The following GAREM2 variants were observed in gnomAD, a reference collection of about 807,000 sequenced individuals.
GAREM2 encodes GRB2 associated regulator of MAPK1 subtype 2, also known as GRB2-associated and regulator of MAPK protein 2.
A neutral mutation model predicts 55.6 loss-of-function variants in GAREM2; 30 were observed. The observed-to-expected ratio is 0.54, with a 90% confidence interval of 0.40 to 0.73. The LOEUF (loss-of-function observed/expected upper bound fraction) is 0.73, where lower values mean the gene tolerates loss of function less well. Among genes scored for constraint, GAREM2 ranks in the 30% least tolerant of loss-of-function variants. The pLI is 0.00. For synonymous variants in GAREM2, 550 were observed against 569.1 expected, an observed-to-expected ratio of 0.97 and a Z score of 0.48; for missense variants, 1,075 against 1,257.7, an observed-to-expected ratio of 0.85 and a Z score of 2.20.
At chr2:26,204,038 T>C in the GAREM2 span, 3 of 1,612,086 alleles carry the variant, frequency 1.9e-6, no homozygotes, top group Non-Finnish European at 2.5e-6. Flanking sequence ...TTCTAACTCT[T>C]GCAAAGAGAG....
chr2:26,192,493 G>GA (rs1669537732), downstream of GAREM2: 1 of 929,644 alleles, frequency 1.1e-6, no homozygotes, highest in Non-Finnish European at 1.8e-6. Flanking sequence ...TTTGTTCTCA[G>GA]AACCCTGGCC....
intron 2 of GAREM2, among the ~76,000 whole-genome samples, chr2:26,178,407 AC>A: frequency 2.9e-5 from 2 of 68,310 alleles, no homozygotes; most frequent in East Asian, 4.8e-4. Context: ...ACAAAAACAA[AC>A]AACCCCCCCC....
At chr2:26,191,623 G>A (rs1420018456), downstream of GAREM2, 1 of 1,614,052 alleles carries the variant, frequency 6.2e-7, no homozygotes, top group Non-Finnish European at 8.5e-7. Context: ...GTCTTCGTCT[G>A]ATGAGCTGCC....
intron 1 of GAREM2, 133 bp downstream of exon 1, chr2:26,173,465 T>C (rs2147715978): frequency 2.3e-6 from 1 of 429,458 alleles, no homozygotes; most frequent in Non-Finnish European, 3.8e-6. Flanking sequence ...CCCCGAGCGG[T>C]TCCTGGCGCG....
intron 2 of GAREM2, among the ~76,000 whole-genome samples, chr2:26,177,248 A>G (rs532933143): frequency 2.0e-4 from 31 of 152,196 alleles, no homozygotes; most frequent in Middle Eastern, 6.8e-3. Flanking sequence ...CTGCTGCACT[A>G]CACCAGGAGC....
chr2:26,198,792 A>G, the GAREM2 span, among the ~76,000 whole-genome samples: 1 of 152,100 alleles, frequency 6.6e-6, no homozygotes, highest in Non-Finnish European at 1.5e-5. Flanking sequence ...CTAAACAACT[A>G]TAATCCCAAC....
intron 2 of GAREM2, among the ~76,000 whole-genome samples, chr2:26,176,965 G>T (rs1668884704): frequency 6.6e-6 from 1 of 152,096 alleles, no homozygotes; most frequent in Admixed American, 6.6e-5. Context: ...TAAACCTATT[G>T]TTTCCATTGG....
chr2:26,184,410 G>A lies in GAREM2; in HGVS notation c.562G>A (p.Gly188Ser). 1 of 1,483,860 alleles carries A rather than the reference G, an allele frequency of 6.7e-7. No individual in the cohort carries two copies. Among genetic ancestry groups the A allele is most frequent in the Non-Finnish European group, 9.0e-7 (1 of 1,115,092 alleles). 91.9% of individuals were successfully genotyped at this position (1,483,860 alleles called of 1,614,324 possible). A position where few individuals can be genotyped will look rare whatever the true frequency, so the allele number is the denominator to read the frequency against. Residue 188 changes from glycine (G) to serine (S), a missense_variant, in exon 4 of 6, where the codon GGC becomes AGC. Physicochemically the swap from Gly to Ser is moderately conservative, Grantham distance 56. Transcript: ENST00000401533. ...CCGGGCCGGGGCGCTGGCCGGGGTGGGCGGCGGCGGCCCAGCGAGCGCGGG... is the reference window on the plus strand; with the variant it reads ...CCGGGCCGGGGCGCTGGCCGGGGTGAGCGGCGGCGGCCCAGCGAGCGCGGG... ...LGRAGALAGV[G>S]GGGPASAGAA...
At chr2:26,191,265 C>CTTGT (rs1553311633), downstream of GAREM2, 13 of 1,612,686 alleles carry the variant, frequency 8.1e-6, no homozygotes, top group Non-Finnish European at 1.0e-5. Flanking sequence ...GGTAGAACTT[C>CTTGT]TTGTTAGGGC....
At chr2:26,193,286 A>C (rs566402625), downstream of GAREM2, among the ~76,000 whole-genome samples, 1 of 133,188 alleles carries the variant, frequency 7.5e-6, no homozygotes, top group South Asian at 2.4e-4. Flanking sequence ...GAAGGTTCAC[A>C]TGACATCTTT....
At chr2:26,175,629 C>T (rs977455308) in intron 1 of GAREM2, among the ~76,000 whole-genome samples, 9 of 152,258 alleles carry the variant, frequency 5.9e-5, no homozygotes, top group East Asian at 1.9e-4. Context: ...GACTCCCCCC[C>T]TCTCCTTCGA....
chr2:26,182,898 C>A, intron 2 of GAREM2, 69 bp from the exon 3 acceptor site: 2 of 1,528,154 alleles, frequency 1.3e-6, no homozygotes, highest in Non-Finnish European at 1.8e-6. Flanking sequence ...ACCATGAAGG[C>A]TCTTGGGACG....
chr2:26,186,336 T>TA lies in GAREM2; in HGVS notation c.1577dup (p.Tyr526Ter). Reference protein sequence around the residue: ...VHSPSSSLSYYSSGLQDGAGS... With the variant: ...VHSPSSSLSY ...TTCCCCCAGCTCCAGCCTCTCCTACTACTCCTCTGGCCTCCAGGATGGGTG... is the reference window on the plus strand; with the variant it reads ...TTCCCCCAGCTCCAGCCTCTCCTACTAACTCCTCTGGCCTCCAGGATGGGTG... The change falls in exon 5 of 6, where the codon TAC becomes TAAC. Residue 526 changes from tyrosine to a stop codon, truncating the protein, a stop_gained and frameshift_variant. Transcript: ENST00000401533. LOFTEE classifies it low-confidence loss of function (END_TRUNC). 6.4e-7 allele frequency: 1 copy of TA among 1,551,880 alleles called. No individual in the cohort carries two copies. The highest frequency in any genetic ancestry group is 8.7e-7 in the Non-Finnish European group (1 of 1,146,990).
chr2:26,203,223 T>G, the GAREM2 span, among the ~76,000 whole-genome samples: 3 of 152,212 alleles, frequency 2.0e-5, no homozygotes, highest in African/African-American at 7.2e-5. Flanking sequence ...TATGTGAGCT[T>G]CTCTGCAGAA....
At chr2:26,202,834 T>A in the GAREM2 span, among the ~76,000 whole-genome samples, 2 of 152,236 alleles carry the variant, frequency 1.3e-5, no homozygotes, top group East Asian at 3.8e-4. Context: ...AAGATACTTG[T>A]CAGCATTCAA....
At chr2:26,185,349 C>T in intron 4 of GAREM2, 73 bp downstream of exon 4, 1 of 1,418,028 alleles carries the variant, frequency 7.1e-7, no homozygotes, top group Non-Finnish European at 9.1e-7. Context: ...GGCCCCGGCC[C>T]CGGAGTATGT....
intron 3 of GAREM2, among the ~76,000 whole-genome samples, chr2:26,183,719 CT>C (rs1394484186): frequency 1.3e-5 from 1 of 76,672 alleles, no homozygotes; most frequent in East Asian, 5.1e-4. Flanking sequence ...AAGACCCTGT[CT>C]CAAACAAACA....
intron 2 of GAREM2, among the ~76,000 whole-genome samples, chr2:26,177,544 AT>A (rs142186512): frequency 0.013 from 2,044 of 152,144 alleles, 30 homozygotes; most frequent in Non-Finnish European, 0.023. Context: ...TGGTCTCCTT[AT>A]GTTGCCCAGG....
At chr2:26,195,522 T>C in the GAREM2 span, among the ~76,000 whole-genome samples, 3 of 149,910 alleles carry the variant, frequency 2.0e-5, no homozygotes, top group Admixed American at 6.8e-5. Flanking sequence ...ACTAGATTTA[T>C]TGGGGAACGA....
Sources: allele counts gnomAD v4.1 joint callset (sites outside exome capture counted in the v4.1 genomes callset), GRCh38; gene constraint gnomAD v4.1.1; transcripts MANE v1.5; gene names NCBI Gene and HGNC (gene_info 2026-07-23, HGNC 2026-07-21).